Variants in GALNT13 observed in about 807,000 individuals in gnomAD.
GALNT13 encodes the protein polypeptide N-acetylgalactosaminyltransferase 13.
In GALNT13, 28 loss-of-function variants were observed where a neutral mutation model predicts 64.2. That is an observed-to-expected ratio of 0.44 (90% CI 0.32 to 0.60). The LOEUF is 0.60. GALNT13 is among the 20% of genes least tolerant of loss of function. GALNT13 has a pLI of 0.05. For synonymous variants in GALNT13, 214 were observed against 224.6 expected (o/e 0.95, Z 0.42); for missense variants, 577 against 669.8 (o/e 0.86, Z 1.53).
chr2:153,260,437 C>T, the GALNT13 span, among the ~76,000 whole-genome samples: 2 of 152,096 alleles, frequency 1.3e-5, 1 homozygote, highest in South Asian at 4.1e-4. Context: ...CTTTATTTCT[C>T]CTTTATGTTT....
intron 1 of GALNT13, among the ~76,000 whole-genome samples, chr2:153,887,546 G>T: frequency 6.6e-6 from 1 of 151,640 alleles, no homozygotes; most frequent in East Asian, 1.9e-4. Flanking sequence ...GAAGATAAAT[G>T]TGTGAAGGCA....
At chr2:153,452,678 C>T in the GALNT13 span, among the ~76,000 whole-genome samples, 1 of 151,854 alleles carries the variant, frequency 6.6e-6, no homozygotes, top group Admixed American at 6.6e-5. Flanking sequence ...AGAATCAATA[C>T]TGTTAAGATG....
intron 9 of GALNT13, among the ~76,000 whole-genome samples, chr2:154,367,640 G>T (rs1697445445): frequency 2.6e-5 from 4 of 152,028 alleles, no homozygotes; most frequent in Admixed American, 2.6e-4. Flanking sequence ...CATTTTCACG[G>T]TTCCTATTGC....
intron 9 of GALNT13, among the ~76,000 whole-genome samples, chr2:154,305,929 G>T (rs1693707471): frequency 6.6e-6 from 1 of 152,076 alleles, no homozygotes; most frequent in Non-Finnish European, 1.5e-5. Context: ...AAAAAATTTT[G>T]TTGAATAACT....
the GALNT13 span, among the ~76,000 whole-genome samples, chr2:153,688,146 A>G: frequency 1.3e-5 from 2 of 152,092 alleles, no homozygotes; most frequent in East Asian, 3.9e-4. Flanking sequence ...ATAAAATTTT[A>G]TTGGAACATA....
At chr2:153,975,961 A>G (rs1354356190) in intron 3 of GALNT13, among the ~76,000 whole-genome samples, 3 of 152,128 alleles carry the variant, frequency 2.0e-5, no homozygotes, top group East Asian at 1.9e-4. Flanking sequence ...TTTCTTTGTC[A>G]TTTATACTTC....
At chr2:153,452,424 G>A in the GALNT13 span, among the ~76,000 whole-genome samples, 2 of 151,968 alleles carry the variant, frequency 1.3e-5, no homozygotes, top group African/African-American at 4.8e-5. Context: ...GTTGCAGTGA[G>A]CTGAGATTGC....
downstream of GALNT13, chr2:154,454,706 A>G (rs2105516527): frequency 6.6e-6 from 1 of 152,304 alleles, no homozygotes; most frequent in Admixed American, 6.5e-5. Context: ...AATTCTTACT[A>G]GTCATTTAAA....
the GALNT13 span, among the ~76,000 whole-genome samples, chr2:153,506,409 T>A: frequency 6.6e-6 from 1 of 152,172 alleles, no homozygotes; most frequent in Non-Finnish European, 1.5e-5. Context: ...ATACCTTTTT[T>A]TCATTGTATT....
chr2:153,773,837 CT>C, the GALNT13 span, among the ~76,000 whole-genome samples: 1 of 152,154 alleles, frequency 6.6e-6, no homozygotes, highest in East Asian at 1.9e-4. Context: ...TATGATCTGT[CT>C]CTTTTTAACT....
chr2:153,737,860 G>A, the GALNT13 span, among the ~76,000 whole-genome samples: 3 of 151,922 alleles, frequency 2.0e-5, no homozygotes, highest in Non-Finnish European at 4.4e-5. Context: ...TAATGTCCAA[G>A]TTCTAATATA....
intron 8 of GALNT13, among the ~76,000 whole-genome samples, chr2:154,260,866 A>G (rs962638501): frequency 1.8e-4 from 27 of 152,256 alleles, no homozygotes; most frequent in African/African-American, 6.5e-4. Flanking sequence ...TAAAATCAAC[A>G]CAGAAATACC....
At chr2:153,819,756 T>C in the GALNT13 span, among the ~76,000 whole-genome samples, 1 of 152,144 alleles carries the variant, frequency 6.6e-6, no homozygotes, top group African/African-American at 2.4e-5. Flanking sequence ...CCAATAGAAG[T>C]GCATAGGGCT....
chr2:153,146,172 T>C, the GALNT13 span, among the ~76,000 whole-genome samples: 1 of 106,638 alleles, frequency 9.4e-6, no homozygotes, highest in Non-Finnish European at 2.0e-5. Context: ...TTATGGAGGG[T>C]TTTTTTTTTT....
intron 3 of GALNT13, among the ~76,000 whole-genome samples, chr2:154,130,524 G>A (rs574922289): frequency 3.9e-5 from 6 of 152,072 alleles, no homozygotes; most frequent in Admixed American, 6.5e-5. Context: ...TTGATAATTC[G>A]TAATTGCAAA....
chr2:153,918,631 C>T (rs1197152411), intron 2 of GALNT13, among the ~76,000 whole-genome samples: 2 of 152,168 alleles, frequency 1.3e-5, no homozygotes, highest in African/African-American at 4.8e-5. Flanking sequence ...CTCTATAAAC[C>T]AATTCTTTCA....
At chr2:153,689,816 G>C in the GALNT13 span, among the ~76,000 whole-genome samples, 7 of 152,136 alleles carry the variant, frequency 4.6e-5, no homozygotes, top group South Asian at 1.5e-3. Context: ...GTGTTGTGAG[G>C]AGCGGGAATG....
the GALNT13 span, among the ~76,000 whole-genome samples, chr2:153,298,402 C>A: frequency 6.6e-6 from 1 of 152,154 alleles, no homozygotes; most frequent in Non-Finnish European, 1.5e-5. Flanking sequence ...GACTGATATT[C>A]CACTATTAAA....
intron 10 of GALNT13, among the ~76,000 whole-genome samples, chr2:154,397,764 C>A (rs898851649): frequency 2.0e-5 from 3 of 152,142 alleles, no homozygotes; most frequent in African/African-American, 7.2e-5. Context: ...ATGTAAATAT[C>A]TCTCTATAGA....
Sources: gnomAD v4.1 joint callset for allele counts (sites outside exome capture counted in the v4.1 genomes callset) on GRCh38, gnomAD v4.1.1 for gene constraint, MANE v1.5 for transcripts, NCBI Gene and HGNC (gene_info 2026-07-23, HGNC 2026-07-21) for gene names.